Variants in EIF2S3 observed in about 807,000 individuals in gnomAD.
EIF2S3 encodes eukaryotic translation initiation factor 2 subunit gamma.
EIF2S3 carries 2 observed loss-of-function variants against 31.7 expected under a neutral mutation model. The observed-to-expected ratio is 0.06, with a 90% confidence interval of 0.03 to 0.20. EIF2S3 has a LOEUF of 0.20. EIF2S3 is among the 10% of genes least tolerant of loss of function. The probability of loss-of-function intolerance (pLI) is 1.00; values close to 1 mark genes in which losing one functional copy is unlikely to be tolerated. For synonymous variants in EIF2S3, 120 were observed against 126.7 expected, an observed-to-expected ratio of 0.95 and a Z score of 0.36; for missense variants, 96 against 359.3, an observed-to-expected ratio of 0.27 and a Z score of 5.92.
intron 6 of EIF2S3, among the ~76,000 whole-genome samples, chrX:24,062,962 G>A (rs1472708676): frequency 1.8e-5 from 2 of 111,776 alleles, no homozygotes; most frequent in Non-Finnish European, 3.8e-5. Flanking sequence ...CTAGAGTGTC[G>A]GCCGGGCATG....
chrX:24,070,445 T>G (rs1432124908), intron 9 of EIF2S3, among the ~76,000 whole-genome samples: 1 of 79,384 alleles, frequency 1.3e-5, no homozygotes, highest in African/African-American at 4.7e-5. Flanking sequence ...TGTAGTTTTT[T>G]TTTTTTTTTT....
chrX:24,068,178 C>A, intron 9 of EIF2S3, 70 bp downstream of exon 9: 1 of 1,000,037 alleles, frequency 1.0e-6, no homozygotes, highest in Non-Finnish European at 1.3e-6. Context: ...GATGGATTAC[C>A]AAAAGGGACA....
chrX:24,074,647 C>G (rs1368633493), intron 11 of EIF2S3, among the ~76,000 whole-genome samples: 1 of 110,327 alleles, frequency 9.1e-6, no homozygotes, highest in Non-Finnish European at 1.9e-5. Flanking sequence ...ACTCTACCAC[C>G]CCACATTTAT....
intron 11 of EIF2S3, among the ~76,000 whole-genome samples, chrX:24,074,859 C>CTTTTTTTTTTT (rs1316212428): frequency 7.6e-5 from 2 of 26,186 alleles, no homozygotes; most frequent in Non-Finnish European, 1.6e-4. Flanking sequence ...TTTTTTTCTT[C>CTTTTTTTTTTT]TTCTTTTTTT....
intron 9 of EIF2S3, among the ~76,000 whole-genome samples, chrX:24,069,034 C>T (rs1371569050): frequency 9.0e-6 from 1 of 111,106 alleles, no homozygotes; most frequent in Non-Finnish European, 1.9e-5. Context: ...TAAGTTGTGT[C>T]TCTGGTTGAA....
intron 5 of EIF2S3, 192 bp downstream of exon 5, chrX:24,060,374 G>C: frequency 2.5e-6 from 1 of 397,838 alleles, no homozygotes. Context: ...TAGACTTGGG[G>C]CTGATAGCTT....
At chrX:24,069,376 CA>C (rs1161413795) in intron 9 of EIF2S3, among the ~76,000 whole-genome samples, 2,063 of 43,937 alleles carry the variant, frequency 0.047, 28 homozygotes, top group Middle Eastern at 0.091. Context: ...CACTCTGTCT[CA>C]AAAAAAAAAA....
intron 11 of EIF2S3, among the ~76,000 whole-genome samples, chrX:24,074,846 A>G (rs866792563): frequency 2.7e-5 from 1 of 37,639 alleles, no homozygotes; most frequent in South Asian, 7.2e-4. Context: ...TGTACTCATC[A>G]TTTTTTTTTC....
At chrX:24,071,907 G>A (rs1339160100) in intron 10 of EIF2S3, among the ~76,000 whole-genome samples, 180 bp downstream of exon 10, 1 of 106,730 alleles carries the variant, frequency 9.4e-6, no homozygotes, top group Non-Finnish European at 1.9e-5. Flanking sequence ...GGAGTCTCTC[G>A]CTCTGTTGCC....
At chrX:24,074,003 A>G (rs894609622) in intron 11 of EIF2S3, among the ~76,000 whole-genome samples, 1 of 112,205 alleles carries the variant, frequency 8.9e-6, no homozygotes, top group African/African-American at 3.2e-5. Context: ...ACTTCAGTGT[A>G]TATTTCCCAT....
At chrX:24,062,344 A>G (rs997206644) in intron 5 of EIF2S3, 72 bp from the exon 6 acceptor site, 4 of 1,103,201 alleles carry the variant, frequency 3.6e-6, no homozygotes, top group Admixed American at 6.2e-5. Flanking sequence ...TTGTCTCTTT[A>G]TGGATTTGCC....
At chrX:24,066,124 GT>G (rs150782745) in intron 8 of EIF2S3, 32 bp downstream of exon 8, 3,925 of 778,927 alleles carry the variant, frequency 5.0e-3, no homozygotes, top group South Asian at 0.018. Flanking sequence ...GTGATTTTGG[GT>G]TTTTTTTTTT....
At chrX:24,066,123 G>GGT in intron 8 of EIF2S3, 31 bp downstream of exon 8, 1 of 946,477 alleles carries the variant, frequency 1.1e-6, no homozygotes, top group Non-Finnish European at 1.4e-6. Context: ...TGTGATTTTG[G>GGT]GTTTTTTTTT....
chrX:24,074,242 A>T (rs1319651232), intron 11 of EIF2S3, among the ~76,000 whole-genome samples: 1 of 112,380 alleles, frequency 8.9e-6, no homozygotes, highest in Non-Finnish European at 1.9e-5. Context: ...CAAACTAGTT[A>T]CTTTATAGAA....
At chrX:24,069,686 C>T (rs201283568) in intron 9 of EIF2S3, among the ~76,000 whole-genome samples, 264 of 60,544 alleles carry the variant, frequency 4.4e-3, no homozygotes, top group Middle Eastern at 0.029. Flanking sequence ...TTTTTAATTT[C>T]TTTTTTTTTT....
intron 4 of EIF2S3, 46 bp downstream of exon 4, chrX:24,057,800 C>G (rs1341978409): frequency 8.7e-7 from 1 of 1,155,662 alleles, no homozygotes; most frequent in Non-Finnish European, 1.2e-6. Context: ...ATTTTATTGT[C>G]TTCTGTTTTG....
chrX:24,067,438 T>TGGTG (rs1930594365), intron 8 of EIF2S3, among the ~76,000 whole-genome samples: 1 of 109,141 alleles, frequency 9.2e-6, no homozygotes, highest in African/African-American at 3.3e-5. Context: ...TAGACTTGTG[T>TGGTG]GGTGGGTAGT....
chrX:24,069,786 G>GTTCA (rs1949761799), intron 9 of EIF2S3, among the ~76,000 whole-genome samples: 1 of 103,341 alleles, frequency 9.7e-6, no homozygotes, highest in Admixed American at 1.1e-4. Flanking sequence ...TGCCTCCTGG[G>GTTCA]TTCAGTTAAT....
At chrX:24,071,761 A>G in intron 10 of EIF2S3, 34 bp downstream of exon 10, 1 of 1,186,816 alleles carries the variant, frequency 8.4e-7, no homozygotes, top group East Asian at 3.0e-5. Context: ...TGTTTCTAAA[A>G]AAGTGACAAA....
Sources: allele counts gnomAD v4.1 joint callset (sites outside exome capture counted in the v4.1 genomes callset), GRCh38; gene constraint gnomAD v4.1.1; transcripts MANE v1.5; gene names NCBI Gene and HGNC (gene_info 2026-07-23, HGNC 2026-07-21).